Variants in ANKS1B observed in about 807,000 individuals in gnomAD.
The protein encoded by ANKS1B is ankyrin repeat and sterile alpha motif domain-containing protein 1B.
A neutral mutation model predicts 148.3 loss-of-function variants in ANKS1B; 36 were observed. The observed-to-expected ratio is 0.24, with a 90% CI of 0.19 to 0.32. ANKS1B has a LOEUF of 0.32. ANKS1B is among the 10% of genes least tolerant of loss of function. The pLI, the probability that ANKS1B is intolerant of heterozygous loss-of-function variation, is 1.00. For synonymous variants in ANKS1B, 542 were observed against 560.8 expected, an observed-to-expected ratio of 0.97 and a Z score of 0.47; for missense variants, 1,157 against 1,542.6, an observed-to-expected ratio of 0.75 and a Z score of 4.19.
chr12:98,907,676 G>T (rs934203320), intron 17 of ANKS1B, among the ~76,000 whole-genome samples: 3 of 152,144 alleles, frequency 2.0e-5, no homozygotes, highest in African/African-American at 7.2e-5. Context: ...TGTTTGGTGG[G>T]TGATATAGTT....
chr12:99,888,525 T>C (rs2092938048), intron 1 of ANKS1B, among the ~76,000 whole-genome samples: 1 of 152,238 alleles, frequency 6.6e-6, no homozygotes, highest in East Asian at 1.9e-4. Flanking sequence ...TGACCCTTAA[T>C]ATTCCTTTAG....
chr12:99,159,801 C>T (rs1449982052), intron 14 of ANKS1B, among the ~76,000 whole-genome samples: 4 of 152,174 alleles, frequency 2.6e-5, no homozygotes, highest in African/African-American at 9.7e-5. Flanking sequence ...TGAGAAATCT[C>T]CAAACTGCTT....
intron 12 of ANKS1B, among the ~76,000 whole-genome samples, chr12:99,388,033 T>A (rs1245433694): frequency 6.6e-6 from 1 of 152,108 alleles, no homozygotes; most frequent in Non-Finnish European, 1.5e-5. Flanking sequence ...GTGTTGAGCA[T>A]GCTAAGACAT....
rs769922975 is a variant in ANKS1B at position 99,772,987 on chromosome 12, G to A, written c.1063C>T (p.His355Tyr). The stretch of plus-strand genomic sequence containing the variant: ...ATCTTGCTCAAATTATCTAAGTAGT[G>A]GTCTGATATTGTGTGGCACAAGTCT... The part of the protein sequence containing the change: ...FEDLCHTISD[H>Y]YLDNLSKISE... The change falls in exon 8 of 27, where the codon CAC becomes TAC. Residue 355 changes from histidine (H) to tyrosine (Y), a missense_variant. By Grantham distance (83) the His-to-Tyr change is moderately conservative (BLOSUM62 2). This residue lies in a region of ANKS1B where 661 missense variants were observed against 642.1 expected (regional missense o/e 1.03). Transcript: ENST00000683438. 9 of 1,612,280 alleles carry A rather than the reference G, an allele frequency of 5.6e-6. No homozygotes were observed. Among genetic ancestry groups the A allele is most frequent in the Non-Finnish European group, 7.6e-6 (9 of 1,178,956 alleles).
chr12:98,983,317 AC>A (rs2099917474), intron 17 of ANKS1B, among the ~76,000 whole-genome samples: 1 of 152,144 alleles, frequency 6.6e-6, no homozygotes, highest in Non-Finnish European at 1.5e-5. Context: ...GCTGCTAAGG[AC>A]CACTCTCAGC....
rs116465235 is a variant in ANKS1B, at chr12:99,030,186, G to A, written c.2778+22971C>T. 1.2e-3 allele frequency among the ~76,000 whole-genome samples: 183 copies of A among 152,318 alleles called. 1 individual carries two copies. The highest frequency in any genetic ancestry group is 4.3e-3 in the African/African-American group (179 of 41,570). On this transcript the variant is annotated intron_variant, in intron 17 of 26. Coordinates refer to ENST00000683438, the MANE Select transcript of ANKS1B (RefSeq NM_001352186.2). Reference sequence around the variant, plus strand: ...AGAGCACCACCACATCAACTGCATGGCTGCAGTCCCTGTGCAGGCAGCTTC... The same window carrying A: ...AGAGCACCACCACATCAACTGCATGACTGCAGTCCCTGTGCAGGCAGCTTC...
chr12:99,496,630 T>C (rs2096607125), intron 10 of ANKS1B, among the ~76,000 whole-genome samples: 1 of 152,080 alleles, frequency 6.6e-6, no homozygotes, highest in African/African-American at 2.4e-5. Flanking sequence ...TTGGAAAGAG[T>C]ATCCTTCATT....
intron 12 of ANKS1B, among the ~76,000 whole-genome samples, chr12:99,369,090 A>G (rs1378192793): frequency 1.3e-5 from 2 of 152,168 alleles, no homozygotes; most frequent in African/African-American, 2.4e-5. Context: ...CAAAGGGCAA[A>G]CAGACCTTGC....
At chr12:98,767,869 C>T (rs528468538) in intron 25 of ANKS1B, among the ~76,000 whole-genome samples, 14 of 152,184 alleles carry the variant, frequency 9.2e-5, no homozygotes, top group South Asian at 2.1e-4. Flanking sequence ...CTTTTGAGGA[C>T]GATCACTTCA....
intron 11 of ANKS1B, among the ~76,000 whole-genome samples, chr12:99,412,852 C>T (rs988535861): frequency 6.6e-6 from 1 of 152,128 alleles, no homozygotes; most frequent in Non-Finnish European, 1.5e-5. Context: ...GTATCATTGC[C>T]ATTTCATCAC....
chr12:99,872,897 T>G (rs988454095), intron 1 of ANKS1B, among the ~76,000 whole-genome samples: 1 of 152,148 alleles, frequency 6.6e-6, no homozygotes, highest in Non-Finnish European at 1.5e-5. Flanking sequence ...CTCAATTGTT[T>G]CCAACACTAG....
intron 9 of ANKS1B, among the ~76,000 whole-genome samples, chr12:99,598,292 A>G (rs181958028): frequency 1.3e-5 from 2 of 152,206 alleles, no homozygotes; most frequent in East Asian, 1.9e-4. Context: ...CAAAGAGCTC[A>G]TTGTCCAGTG....
chr12:99,599,208 T>C (rs987524059), intron 9 of ANKS1B, among the ~76,000 whole-genome samples: 3 of 152,088 alleles, frequency 2.0e-5, no homozygotes, highest in African/African-American at 7.2e-5. Context: ...AGGTAACATT[T>C]ACTGGTACCA....
chr12:99,641,209 G>A (rs1369545224), intron 9 of ANKS1B, among the ~76,000 whole-genome samples: 4 of 152,138 alleles, frequency 2.6e-5, no homozygotes, highest in South Asian at 2.1e-4. Context: ...CGTTTGTATT[G>A]TAAATAATTT....
rs1598701398 is a variant in ANKS1B at position 99,643,480 on chromosome 12, G to A, written c.1272+11587C>T. Among the ~76,000 whole-genome samples the A allele has an allele frequency of 2.6e-5, 4 of 152,172 alleles. No individual in the cohort carries two copies. In the South Asian group the frequency reaches 8.3e-4, roughly 32 times the overall value. On this transcript the variant is annotated intron_variant, in intron 9 of 26. Coordinates refer to ENST00000683438, the MANE Select transcript of ANKS1B (RefSeq NM_001352186.2). ...AACTGCAACTGGGCAAACTCCATTA[G>A]GTTTCAAGCCCTGGGAATAATCCTT...
chr12:99,295,325 T>C (rs929547450), intron 12 of ANKS1B, among the ~76,000 whole-genome samples: 8 of 152,204 alleles, frequency 5.3e-5, no homozygotes, highest in South Asian at 2.1e-4. Context: ...CACATGCTGA[T>C]TTGTCATCTG....
intron 15 of ANKS1B, among the ~76,000 whole-genome samples, chr12:99,115,654 G>T (rs1351192585): frequency 6.6e-6 from 1 of 152,138 alleles, no homozygotes; most frequent in African/African-American, 2.4e-5. Flanking sequence ...TTCTTGGCTG[G>T]GTGCAGTGGC....
intron 12 of ANKS1B, among the ~76,000 whole-genome samples, chr12:99,280,999 C>T (rs1430754383): frequency 6.6e-6 from 1 of 151,976 alleles, no homozygotes; most frequent in African/African-American, 2.4e-5. Flanking sequence ...TTGACTAACA[C>T]ATGAGCCTAA....
At chr12:99,443,589 AG>A in intron 11 of ANKS1B, 83 bp downstream of exon 11, 1 of 1,413,198 alleles carries the variant, frequency 7.1e-7, no homozygotes, top group Non-Finnish European at 9.7e-7. Flanking sequence ...AAAACAGTCC[AG>A]GCATTGCAAT....
Sources: gnomAD v4.1 joint callset for allele counts (sites outside exome capture counted in the v4.1 genomes callset) on GRCh38, gnomAD v4.1.1 for gene constraint, gnomAD v4.1.1 regional missense constraint, MANE v1.5 for transcripts, NCBI Gene and HGNC (gene_info 2026-07-23, HGNC 2026-07-21) for gene names.